Variants in AP2A2 observed in about 807,000 individuals in gnomAD.
The protein encoded by AP2A2 is AP-2 complex subunit alpha-2.
A neutral mutation model predicts 104.2 loss-of-function variants in AP2A2; 32 were observed. That is an observed-to-expected ratio of 0.31 (90% CI 0.23 to 0.41). The LOEUF (loss-of-function observed/expected upper bound fraction) is 0.41, where lower values mean the gene tolerates loss of function less well. Among genes scored for constraint, AP2A2 ranks in the 10% least tolerant of loss-of-function variants. The pLI, the probability that AP2A2 is intolerant of heterozygous loss-of-function variation, is 1.00. For synonymous variants in AP2A2, 539 were observed against 533.3 expected (o/e 1.01, Z -0.15); for missense variants, 912 against 1,261.0 (o/e 0.72, Z 4.19).
rs781443574 is a variant in AP2A2, at chr11:1,011,390, C to T, written c.*765C>T. 5.8e-6 allele frequency: 3 copies of T among 516,216 alleles called. No homozygotes were observed. The highest frequency in any genetic ancestry group is 1.1e-4 in the East Asian group (2 of 18,278). 32.0% of individuals were successfully genotyped at this position (516,216 alleles called of 1,614,324 possible). A position where few individuals can be genotyped will look rare whatever the true frequency, so the allele number is the denominator to read the frequency against. On this transcript the variant is annotated 3_prime_UTR_variant, in exon 22 of 22. Coordinates refer to ENST00000448903, the MANE Select transcript of AP2A2 (RefSeq NM_012305.4). ...CGGTGGCGCAAGACTCAGAGGTGTGCTCGTCTCTTTCCTGTCAGAGTGGGC... is the reference window on the plus strand; with the variant it reads ...CGGTGGCGCAAGACTCAGAGGTGTGTTCGTCTCTTTCCTGTCAGAGTGGGC...
chr11:936,187 G>A (rs1186664754), intron 1 of AP2A2, among the ~76,000 whole-genome samples: 7 of 147,656 alleles, frequency 4.7e-5, no homozygotes, highest in South Asian at 2.2e-4. Flanking sequence ...GATTACAGGC[G>A]TGAACCACTG....
At chr11:990,182 G>A (rs1380670620) in intron 10 of AP2A2, among the ~76,000 whole-genome samples, 1 of 152,206 alleles carries the variant, frequency 6.6e-6, no homozygotes, top group African/African-American at 2.4e-5. Flanking sequence ...CGGCTCTCAC[G>A]CTGGACTGTC....
rs1183294466 is a variant in AP2A2 at position 970,154 on chromosome 11, C to T, written c.137-15C>T. 6.2e-7 allele frequency: 1 copy of T among 1,613,544 alleles called. No homozygotes were observed. The highest frequency in any genetic ancestry group is 8.5e-7 in the Non-Finnish European group (1 of 1,179,618). The stretch of plus-strand genomic sequence containing the variant: ...GCCCGCCTGGAATAAAACCTCTTCC[C>T]CACCTTTTCTGTAGGTGACAAGGCT... On this transcript the variant is annotated splice_polypyrimidine_tract_variant and intron_variant, in intron 2 of 21. Coordinates refer to ENST00000448903, the MANE Select transcript of AP2A2 (RefSeq NM_012305.4).
At chr11:995,111 C>A (rs570585366) in intron 14 of AP2A2, among the ~76,000 whole-genome samples, 47 of 152,368 alleles carry the variant, frequency 3.1e-4, no homozygotes, top group Non-Finnish European at 3.8e-4. Flanking sequence ...CAGCTCAGCT[C>A]ACACATCCTC....
At chr11:979,611 G>T (rs1452398431) in intron 5 of AP2A2, among the ~76,000 whole-genome samples, 5 of 152,170 alleles carry the variant, frequency 3.3e-5, no homozygotes, top group Non-Finnish European at 5.9e-5. Context: ...ACCCAGGCTG[G>T]AGTGCAGTGG....
At chr11:972,992 G>A (rs1358498343) in intron 4 of AP2A2, among the ~76,000 whole-genome samples, 1 of 152,248 alleles carries the variant, frequency 6.6e-6, no homozygotes, top group Non-Finnish European at 1.5e-5. Context: ...CACCAGCTCT[G>A]GAAGAGCTTA....
intron 10 of AP2A2, among the ~76,000 whole-genome samples, chr11:991,101 G>C (rs1395884660): frequency 6.6e-6 from 1 of 151,462 alleles, no homozygotes; most frequent in African/African-American, 2.4e-5. Context: ...TTTCAGCCGG[G>C]TATGGTGCTC....
chr11:1,005,798 G>A (rs1001242319), intron 16 of AP2A2, among the ~76,000 whole-genome samples: 1 of 152,224 alleles, frequency 6.6e-6, no homozygotes, highest in Non-Finnish European at 1.5e-5. Context: ...AAGTTTTTAA[G>A]CTCTGGGCCG....
chr11:968,009 A>G lies in AP2A2; in HGVS notation c.137-2160A>G, dbSNP rs1054944018. Reference sequence around the variant, plus strand: ...TCCTTTCAGGAGGGATAAACTTCACAGTGGCACCTGCCAGGGGAGCTGGCG... The same window carrying G: ...TCCTTTCAGGAGGGATAAACTTCACGGTGGCACCTGCCAGGGGAGCTGGCG... On this transcript the variant is annotated intron_variant, in intron 2 of 21. Transcript: ENST00000448903. The surrounding 1 kb of genome is among the most constrained non-coding windows in gnomAD (Gnocchi z 4.2). 4.6e-5 allele frequency among the ~76,000 whole-genome samples: 7 copies of G among 152,162 alleles called. No homozygotes were observed. Among genetic ancestry groups the G allele is most frequent in the Admixed American group, 1.3e-4 (2 of 15,274 alleles).
rs547530134 is a variant in AP2A2, at chr11:968,563, G to C, written c.137-1606G>C. 3.9e-5 allele frequency among the ~76,000 whole-genome samples: 6 copies of C among 152,286 alleles called. No homozygotes were observed. Among genetic ancestry groups the C allele is most frequent in the African/African-American group, 1.4e-4 (6 of 41,574 alleles). On this transcript the variant is annotated intron_variant, in intron 2 of 21. Transcript: ENST00000448903. This position sits in a 1 kb window ranked among gnomAD's most constrained non-coding sequence, Gnocchi z 4.2. ...TTTGAGTAACAGGGAAGTCTCCGGA[G>C]GGAGGAGGAGGTCAAGCAGTATTTT... is the stretch of plus-strand genomic sequence containing the variant.
rs1294834645 is a variant in AP2A2 at position 1,006,083 on chromosome 11, G to A, written c.2207-445G>A. Among the ~76,000 whole-genome samples, 5 of 152,244 alleles carry A rather than the reference G, an allele frequency of 3.3e-5. No individual in the cohort carries two copies. The East Asian group carries it at 7.7e-4, about 23-fold the overall frequency. On this transcript the variant is annotated intron_variant, in intron 16 of 21. Transcript: ENST00000448903. ...CCGGGTCCCCTGACAGGAGGCAGCC[G>A]GGGCCGGTGCGTGTGTTTGCATGTT...
rs371811350 is a variant in AP2A2 at position 935,203 on chromosome 11, G to T, written c.67+9115G>T. ...CGAGCAGCTTGGACTACAGATGCGC[G>T]CACCACCATGCCCGGCTAATTTTTG... On this transcript the variant is annotated intron_variant, in intron 1 of 21. Coordinates refer to ENST00000448903, the MANE Select transcript of AP2A2 (RefSeq NM_012305.4). 6.5e-4 allele frequency among the ~76,000 whole-genome samples: 99 copies of T among 152,042 alleles called. 2 individuals are homozygous for T. Among genetic ancestry groups the T allele is most frequent in the African/African-American group, 2.2e-3 (93 of 41,462 alleles).
intron 1 of AP2A2, among the ~76,000 whole-genome samples, chr11:957,439 C>G (rs1854274753): frequency 6.6e-6 from 1 of 152,202 alleles, no homozygotes. Context: ...CGTTCCTTCC[C>G]CCGGGGTGTG....
At chr11:936,577 G>A (rs1318097942) in intron 1 of AP2A2, among the ~76,000 whole-genome samples, 3 of 151,826 alleles carry the variant, frequency 2.0e-5, no homozygotes, top group African/African-American at 7.3e-5. Flanking sequence ...TTGTAGAAAT[G>A]GGGTCTTGCT....
intron 4 of AP2A2, among the ~76,000 whole-genome samples, chr11:975,181 G>A (rs1854979093): frequency 6.6e-6 from 1 of 152,226 alleles, no homozygotes; most frequent in African/African-American, 2.4e-5. Context: ...CGGAGTTGGT[G>A]GAAAGAGAAC....
chr11:984,295 T>C (rs545944195), intron 6 of AP2A2, among the ~76,000 whole-genome samples: 1 of 152,068 alleles, frequency 6.6e-6, no homozygotes, highest in Admixed American at 6.5e-5. Context: ...AATGCCGGCT[T>C]CTGGGGGTGG....
intron 1 of AP2A2, among the ~76,000 whole-genome samples, chr11:949,165 A>C (rs988643097): frequency 7.2e-5 from 11 of 151,924 alleles, no homozygotes; most frequent in African/African-American, 2.4e-4. Flanking sequence ...AGTCCCAGCC[A>C]CTTGGGAGGC....
chr11:935,647 G>T (rs1020739428), intron 1 of AP2A2, among the ~76,000 whole-genome samples: 9 of 106,864 alleles, frequency 8.4e-5, no homozygotes, highest in Non-Finnish European at 1.4e-4. Flanking sequence ...TCGCTGTGTT[G>T]CCCAGGCTAG....
intron 4 of AP2A2, among the ~76,000 whole-genome samples, chr11:973,581 G>C (rs1353586339): frequency 6.6e-6 from 1 of 152,130 alleles, no homozygotes; most frequent in Non-Finnish European, 1.5e-5. Flanking sequence ...AGGCACTGTT[G>C]CTCCTCAGGC....
Sources: gnomAD v4.1 joint callset for allele counts (sites outside exome capture counted in the v4.1 genomes callset) on GRCh38, gnomAD v4.1.1 for gene constraint, Gnocchi (gnomAD v3.1) non-coding constraint, MANE v1.5 for transcripts, NCBI Gene and HGNC (gene_info 2026-07-23, HGNC 2026-07-21) for gene names.